Variants in CNTNAP2 observed in about 807,000 individuals in gnomAD.
CNTNAP2 encodes the protein contactin-associated protein-like 2.
In CNTNAP2, 98 loss-of-function variants were observed where a neutral mutation model predicts 155.2. The ratio of observed to expected loss-of-function variants is 0.63; its 90% CI spans 0.54 to 0.75. The LOEUF is 0.75. CNTNAP2 is among the 30% of genes least tolerant of loss of function. The probability of loss-of-function intolerance (pLI) is 0.00; values close to 1 mark genes in which losing one functional copy is unlikely to be tolerated. For missense variants in CNTNAP2, 1,727 were observed against 1,688.1 expected (o/e 1.02, Z -0.40); for synonymous variants, 651 against 631.2 (o/e 1.03, Z -0.47).
intron 1 of CNTNAP2, among the ~76,000 whole-genome samples, chr7:146,572,264 C>CTTTT (rs71165015): frequency 4.8e-5 from 6 of 126,194 alleles, no homozygotes; most frequent in East Asian, 2.4e-4. Flanking sequence ...TTTCTGTTGT[C>CTTTT]TTTTTTTTTT....
intron 8 of CNTNAP2, among the ~76,000 whole-genome samples, chr7:147,259,792 A>G (rs1231623928): frequency 6.6e-6 from 1 of 152,224 alleles, no homozygotes; most frequent in African/African-American, 2.4e-5. Context: ...TCAAATTTAA[A>G]ACACCTAGAG....
intron 11 of CNTNAP2, among the ~76,000 whole-genome samples, chr7:147,495,896 C>T (rs1449504451): frequency 3.9e-5 from 6 of 152,154 alleles, no homozygotes; most frequent in African/African-American, 1.4e-4. Flanking sequence ...CAGCCACTCC[C>T]CATTGCTCAC....
intron 1 of CNTNAP2, among the ~76,000 whole-genome samples, chr7:146,530,931 C>T (rs936194171): frequency 2.6e-5 from 4 of 152,154 alleles, no homozygotes; most frequent in South Asian, 2.1e-4. Flanking sequence ...CACATATGTG[C>T]GTCACACCAC....
chr7:146,571,323 G>T (rs1184654949), intron 1 of CNTNAP2, among the ~76,000 whole-genome samples: 1 of 151,912 alleles, frequency 6.6e-6, no homozygotes, highest in African/African-American at 2.4e-5. Context: ...AATATTTCTT[G>T]AATGAATGAT....
intron 1 of CNTNAP2, among the ~76,000 whole-genome samples, chr7:146,340,466 A>G (rs1176543275): frequency 6.6e-6 from 1 of 151,978 alleles, no homozygotes; most frequent in East Asian, 1.9e-4. Context: ...GGGTTGACAG[A>G]TAAAATATAG....
chr7:146,837,800 C>T (rs945482344), intron 2 of CNTNAP2, among the ~76,000 whole-genome samples: 4 of 152,092 alleles, frequency 2.6e-5, no homozygotes, highest in African/African-American at 9.7e-5. Flanking sequence ...CTAAAATATC[C>T]CTACATATAA....
chr7:147,177,720 G>T (rs777242053), intron 8 of CNTNAP2, among the ~76,000 whole-genome samples: 2 of 152,092 alleles, frequency 1.3e-5, no homozygotes, highest in Non-Finnish European at 2.9e-5. Flanking sequence ...TTGTTGGTAG[G>T]ATGGATTGCT....
intron 1 of CNTNAP2, among the ~76,000 whole-genome samples, chr7:146,286,559 T>C (rs1339011464): frequency 6.6e-6 from 1 of 152,170 alleles, no homozygotes; most frequent in Non-Finnish European, 1.5e-5. Context: ...AGCCAGAATG[T>C]TCTTTTCAAA....
chr7:147,854,085 ACAGCTTGTGTG>A lies in CNTNAP2; in HGVS notation c.2099-49478_2099-49468del, dbSNP rs1388614250. On this transcript the variant is annotated intron_variant, in intron 13 of 23. Coordinates refer to ENST00000361727, the MANE Select transcript of CNTNAP2 (RefSeq NM_014141.6). ...CACTGTGCAAGATGTTTATGTGCTG[ACAGCTTGTGTG>A]CCTACCTCCACATCAATTCGGCCAT... is the stretch of plus-strand genomic sequence containing the variant. Among the ~76,000 whole-genome samples, 4 of 152,202 alleles carry A rather than the reference ACAGCTTGTGTG, an allele frequency of 2.6e-5. No homozygotes were observed. The East Asian group carries it at 7.7e-4, about 29-fold the overall frequency.
intron 9 of CNTNAP2, among the ~76,000 whole-genome samples, chr7:147,363,772 C>T (rs945439221): frequency 4.6e-5 from 7 of 152,076 alleles, no homozygotes; most frequent in Non-Finnish European, 1.0e-4. Context: ...AGTAATTATG[C>T]CAGTAATTCT....
At chr7:146,214,927 T>C (rs2116888051) in intron 1 of CNTNAP2, among the ~76,000 whole-genome samples, 1 of 152,270 alleles carries the variant, frequency 6.6e-6, no homozygotes, top group African/African-American at 2.4e-5. Context: ...ACTGTCCCCT[T>C]ACCTCCCTCG....
intron 13 of CNTNAP2, among the ~76,000 whole-genome samples, chr7:147,788,910 T>C (rs1264852726): frequency 1.6e-5 from 2 of 126,870 alleles, no homozygotes; most frequent in Non-Finnish European, 1.8e-5. Context: ...CTTTTTTTTT[T>C]TTTTTTTTTT....
At chr7:148,158,443 G>A (rs1480258545) in intron 17 of CNTNAP2, among the ~76,000 whole-genome samples, 3 of 151,966 alleles carry the variant, frequency 2.0e-5, no homozygotes, top group African/African-American at 4.8e-5. Context: ...GGATGGCCTC[G>A]ATCTCTCGAG....
rs115615942 is a variant in CNTNAP2, at chr7:146,391,545, G to A, written c.97+274572G>A. ...GGAAGTCAAATATATTTTTAAGGAT[G>A]TAACTTCTTTTCTACAGCCCCAACT... On this transcript the variant is annotated intron_variant, in intron 1 of 23. Coordinates refer to ENST00000361727, the MANE Select transcript of CNTNAP2 (RefSeq NM_014141.6). Among the ~76,000 whole-genome samples, 316 of 152,262 alleles carry A rather than the reference G, an allele frequency of 2.1e-3. 2 individuals carry two copies. The highest frequency in any genetic ancestry group is 7.3e-3 in the African/African-American group (305 of 41,544).
chr7:147,108,060 T>C, intron 4 of CNTNAP2, 87 bp from the exon 5 acceptor site: 1 of 1,169,632 alleles, frequency 8.5e-7, no homozygotes, highest in Non-Finnish European at 1.3e-6. Flanking sequence ...ACTTACTTAA[T>C]TCTCATTTAT....
chr7:147,749,584 A>G (rs565945438), intron 13 of CNTNAP2, among the ~76,000 whole-genome samples: 1 of 152,338 alleles, frequency 6.6e-6, no homozygotes, highest in East Asian at 1.9e-4. Context: ...TTTCCCAAAA[A>G]TGATGATTTT....
At chr7:147,072,237 C>T (rs1172982158) in intron 4 of CNTNAP2, among the ~76,000 whole-genome samples, 1 of 151,952 alleles carries the variant, frequency 6.6e-6, no homozygotes, top group Non-Finnish European at 1.5e-5. Flanking sequence ...GCTGCAGCAC[C>T]GAGATTGAAG....
chr7:146,231,535 T>C (rs802546), intron 1 of CNTNAP2, among the ~76,000 whole-genome samples: 110,629 of 152,110 alleles, frequency 0.73, 40,592 homozygotes, highest in East Asian at 0.94. Flanking sequence ...AGAATGAGCA[T>C]AAAATATAAT....
intron 20 of CNTNAP2, among the ~76,000 whole-genome samples, chr7:148,242,065 A>G (rs1406601): frequency 0.72 from 108,993 of 152,058 alleles, 40,227 homozygotes; most frequent in East Asian, 0.95. Context: ...AGTGCATTAA[A>G]TACATAAATC....
Sources: gnomAD v4.1 joint callset for allele counts (sites outside exome capture counted in the v4.1 genomes callset) on GRCh38, gnomAD v4.1.1 for gene constraint, MANE v1.5 for transcripts, NCBI Gene and HGNC (gene_info 2026-07-23, HGNC 2026-07-21) for gene names.